Variants in CDKAL1 observed in about 807,000 individuals in gnomAD.
CDKAL1 encodes threonylcarbamoyladenosine tRNA methylthiotransferase.
A neutral mutation model predicts 68.2 loss-of-function variants in CDKAL1; 32 were observed. The observed-to-expected ratio is 0.47, with a 90% CI of 0.35 to 0.63. The LOEUF (loss-of-function observed/expected upper bound fraction) is 0.63. Ranked by LOEUF, CDKAL1 falls within the 30% of genes least tolerant of loss-of-function variation. The pLI is 0.00. For missense variants in CDKAL1, 606 were observed against 696.7 expected, an observed-to-expected ratio of 0.87 and a Z score of 1.47; for synonymous variants, 234 against 244.3, an observed-to-expected ratio of 0.96 and a Z score of 0.39.
intron 12 of CDKAL1, among the ~76,000 whole-genome samples, chr6:21,084,620 C>T (rs1772595574): frequency 6.6e-6 from 1 of 152,212 alleles, no homozygotes. Flanking sequence ...CATTCCTTTA[C>T]TGCCATTCCT....
At chr6:21,106,523 C>T (rs529568642) in intron 12 of CDKAL1, among the ~76,000 whole-genome samples, 9 of 152,236 alleles carry the variant, frequency 5.9e-5, no homozygotes, top group Admixed American at 3.3e-4. Flanking sequence ...CTGCAGTGAG[C>T]GATGATTGTG....
chr6:21,131,603 C>G (rs975818660), intron 13 of CDKAL1, among the ~76,000 whole-genome samples: 1 of 152,048 alleles, frequency 6.6e-6, no homozygotes, highest in Non-Finnish European at 1.5e-5. Context: ...GTGAAACAGA[C>G]ATGTTTCATG....
intron 10 of CDKAL1, among the ~76,000 whole-genome samples, chr6:20,980,330 C>T (rs1195209525): frequency 6.6e-6 from 1 of 151,986 alleles, no homozygotes; most frequent in African/African-American, 2.4e-5. Context: ...CTCCGCCTCC[C>T]AGGTTCACGC....
At chr6:21,068,436 G>T (rs1012989786) in intron 12 of CDKAL1, among the ~76,000 whole-genome samples, 4 of 151,980 alleles carry the variant, frequency 2.6e-5, no homozygotes, top group South Asian at 2.1e-4. Flanking sequence ...TTTGTTTTGG[G>T]TTTTTTTGCC....
chr6:21,142,860 G>A (rs1252613876), intron 13 of CDKAL1, among the ~76,000 whole-genome samples: 2 of 152,242 alleles, frequency 1.3e-5, no homozygotes, highest in Admixed American at 6.5e-5. Context: ...TGTTAAGTAA[G>A]AAGCAGTATG....
intron 10 of CDKAL1, among the ~76,000 whole-genome samples, chr6:20,992,055 A>G: frequency 2.2e-5 from 1 of 44,576 alleles, no homozygotes; most frequent in African/African-American, 1.0e-4. Flanking sequence ...TTTTTTTTTG[A>G]GATACTCTAT....
rs182766775 is a variant in CDKAL1, at chr6:20,643,974, G to A, written c.287-5319G>A. ...TGAGTAGCTGGGACTATAGGCATGC[G>A]CCACCATGCCTGGCTAATTTTTGTA... On this transcript the variant is annotated intron_variant, in intron 4 of 15. Transcript: ENST00000274695. Among the ~76,000 whole-genome samples the A allele has an allele frequency of 1.6e-3, 245 of 151,886 alleles. 1 individual carries two copies. The highest frequency in any genetic ancestry group is 7.2e-4 in the Non-Finnish European group (49 of 67,968).
chr6:21,007,386 T>C (rs1227695747), intron 11 of CDKAL1, among the ~76,000 whole-genome samples: 3 of 149,896 alleles, frequency 2.0e-5, no homozygotes. Context: ...TCGCAGCTAC[T>C]TGGGAGGCTG....
At chr6:21,025,900 C>T (rs1157098053) in intron 11 of CDKAL1, among the ~76,000 whole-genome samples, 2 of 152,114 alleles carry the variant, frequency 1.3e-5, no homozygotes, top group Non-Finnish European at 2.9e-5. Context: ...TTAAATTGTT[C>T]TCTAAATTCA....
Position 21,153,235 on chromosome 6 carries a change from CTTTTTTT to C in CDKAL1, c.1300-44769_1300-44763del, listed in dbSNP as rs1162272560. On this transcript the variant is annotated intron_variant, in intron 13 of 15. Transcript: ENST00000274695. Reference sequence around the variant, plus strand: ...TTGGCAGGGTAGAGGTATGTGATTTCTTTTTTTTTTTTTTTTTTTTTTTAATCGTTAA... The same window carrying C: ...TTGGCAGGGTAGAGGTATGTGATTTCTTTTTTTTTTTTTTTTAATCGTTAA... Among the ~76,000 whole-genome samples the C allele has an allele frequency of 4.3e-4, 41 of 96,228 alleles. 1 individual carries two copies. The South Asian group carries it at 0.013, about 29-fold the overall frequency. 63.1% of individuals were successfully genotyped at this position (96,228 alleles called of 152,430 possible). A position where few individuals can be genotyped will look rare whatever the true frequency, so the allele number is the denominator to read the frequency against.
intron 8 of CDKAL1, among the ~76,000 whole-genome samples, chr6:20,819,389 C>A (rs1777181049): frequency 6.6e-6 from 1 of 152,068 alleles, no homozygotes; most frequent in Admixed American, 6.6e-5. Context: ...CTTAAAGATT[C>A]TTCTAACTCC....
intron 13 of CDKAL1, 92 bp from the exon 14 acceptor site, chr6:21,197,929 C>A (rs1040581693): frequency 1.3e-5 from 9 of 700,778 alleles, no homozygotes; most frequent in South Asian, 2.2e-5. Context: ...CTACTTGGTC[C>A]AGACCTACCT....
At chr6:21,039,336 C>T (rs139286979) in intron 11 of CDKAL1, among the ~76,000 whole-genome samples, 1,844 of 152,266 alleles carry the variant, frequency 0.012, 15 homozygotes, top group Non-Finnish European at 0.02. Context: ...TTCCAGGAGA[C>T]CGATTCCTGG....
At chr6:21,027,532 G>C (rs1442090767) in intron 11 of CDKAL1, among the ~76,000 whole-genome samples, 1 of 152,182 alleles carries the variant, frequency 6.6e-6, no homozygotes, top group African/African-American at 2.4e-5. Context: ...TGAAGAGAGA[G>C]ATTTAAGTGA....
At chr6:20,835,412 A>G (rs1777890055) in intron 8 of CDKAL1, among the ~76,000 whole-genome samples, 1 of 152,212 alleles carries the variant, frequency 6.6e-6, no homozygotes, top group African/African-American at 2.4e-5. Flanking sequence ...AGGAAGAGGT[A>G]GGTGCAGACA....
chr6:20,882,707 G>A (rs1435751097), intron 9 of CDKAL1, among the ~76,000 whole-genome samples: 1 of 152,130 alleles, frequency 6.6e-6, no homozygotes, highest in Non-Finnish European at 1.5e-5. Context: ...ATCCTAGGTT[G>A]CTTGCAGTTT....
chr6:20,682,413 A>G (rs1240660161), intron 5 of CDKAL1, among the ~76,000 whole-genome samples: 3 of 152,208 alleles, frequency 2.0e-5, no homozygotes, highest in East Asian at 1.9e-4. Context: ...TAATTGACCC[A>G]GGGTTCCACA....
chr6:20,905,240 G>C (rs376932036), intron 9 of CDKAL1, among the ~76,000 whole-genome samples: 11 of 152,256 alleles, frequency 7.2e-5, no homozygotes, highest in African/African-American at 2.4e-4. Flanking sequence ...TATTAAGAAA[G>C]AGATAGACAA....
At chr6:20,956,517 T>C (rs1333597067) in intron 10 of CDKAL1, among the ~76,000 whole-genome samples, 1 of 152,198 alleles carries the variant, frequency 6.6e-6, no homozygotes, top group Non-Finnish European at 1.5e-5. Flanking sequence ...AATTGCAAAG[T>C]CATGTGTAAA....
Sources: gnomAD v4.1 joint callset for allele counts (sites outside exome capture counted in the v4.1 genomes callset) on GRCh38, gnomAD v4.1.1 for gene constraint, MANE v1.5 for transcripts, NCBI Gene and HGNC (gene_info 2026-07-23, HGNC 2026-07-21) for gene names.